Variants in TSPAN5 observed in about 807,000 individuals in gnomAD.
TSPAN5 encodes the protein tetraspanin 5, also known as tetraspanin-5.
In TSPAN5, 10 loss-of-function variants were observed where a neutral mutation model predicts 37.1. The observed-to-expected ratio is 0.27, with a 90% CI of 0.17 to 0.46. TSPAN5 has a LOEUF of 0.46. Ranked by LOEUF, TSPAN5 falls within the 20% of genes least tolerant of loss-of-function variation. TSPAN5 has a pLI of 1.00. For synonymous variants in TSPAN5, 110 were observed against 118.9 expected, an observed-to-expected ratio of 0.93 and a Z score of 0.48; for missense variants, 195 against 326.6, an observed-to-expected ratio of 0.60 and a Z score of 3.11.
chr4:98,611,227 AGAACCTGT>A (rs1303668198), intron 1 of TSPAN5, among the ~76,000 whole-genome samples: 1 of 152,244 alleles, frequency 6.6e-6, no homozygotes, highest in African/African-American at 2.4e-5. Flanking sequence ...AAGGAATATG[AGAACCTGT>A]TTTCCAACCC....
At chr4:98,617,190 T>C (rs554793829) in intron 1 of TSPAN5, among the ~76,000 whole-genome samples, 10 of 152,090 alleles carry the variant, frequency 6.6e-5, no homozygotes, top group Non-Finnish European at 1.3e-4. Context: ...GGACTCACTA[T>C]TCAAAAAAAG....
chr4:98,641,981 A>G (rs754532130), intron 1 of TSPAN5, among the ~76,000 whole-genome samples: 5 of 152,204 alleles, frequency 3.3e-5, no homozygotes, highest in Non-Finnish European at 5.9e-5. Flanking sequence ...AAAAACTAGG[A>G]CCCAAATTAT....
chr4:98,618,038 A>C (rs1054560854), intron 1 of TSPAN5, among the ~76,000 whole-genome samples: 1 of 152,268 alleles, frequency 6.6e-6, no homozygotes, highest in East Asian at 1.9e-4. Context: ...CTTGTACACA[A>C]CCTTGGAGAG....
chr4:98,595,402 A>AT (rs1435865309), intron 1 of TSPAN5, among the ~76,000 whole-genome samples: 12 of 114,094 alleles, frequency 1.1e-4, no homozygotes, highest in Non-Finnish European at 8.6e-5. Context: ...GGATTCATTG[A>AT]TTTTTTGAAG....
intron 7 of TSPAN5, among the ~76,000 whole-genome samples, chr4:98,474,289 C>T (rs1285066260): frequency 6.6e-6 from 1 of 152,198 alleles, no homozygotes; most frequent in Non-Finnish European, 1.5e-5. Context: ...GAAATGACTG[C>T]TCTTTCCCTA....
rs998909483 is a variant in TSPAN5 at position 98,525,032 on chromosome 4, A to G, written c.82-17304T>C. On this transcript the variant is annotated intron_variant, in intron 1 of 7. Transcript: ENST00000305798. ...GTAGCTGCACAGTCACTTCTCTGGT[A>G]TCTATTACTATTTCAGTCAAGCTTC... 2.0e-5 allele frequency among the ~76,000 whole-genome samples: 3 copies of G among 152,216 alleles called. No homozygotes were observed. In the East Asian group the frequency reaches 5.8e-4, roughly 29 times the overall value.
At chr4:98,587,443 G>C (rs148380437) in intron 1 of TSPAN5, among the ~76,000 whole-genome samples, 2 of 152,060 alleles carry the variant, frequency 1.3e-5, no homozygotes, top group African/African-American at 4.8e-5. Flanking sequence ...CTTCTTCCTC[G>C]GCTGTCTGGC....
At chr4:98,528,669 CAG>C (rs1754015156) in intron 1 of TSPAN5, among the ~76,000 whole-genome samples, 1 of 152,188 alleles carries the variant, frequency 6.6e-6, no homozygotes, top group African/African-American at 2.4e-5. Context: ...CTAACTTGAA[CAG>C]AGTTAGTATC....
intron 2 of TSPAN5, among the ~76,000 whole-genome samples, chr4:98,505,566 G>T (rs924118396): frequency 6.6e-6 from 1 of 152,194 alleles, no homozygotes; most frequent in Non-Finnish European, 1.5e-5. Context: ...TCATCTAAAA[G>T]AGACTCCTTT....
intron 1 of TSPAN5, among the ~76,000 whole-genome samples, chr4:98,600,406 C>T (rs1255480590): frequency 3.3e-5 from 5 of 152,150 alleles, no homozygotes; most frequent in South Asian, 2.1e-4. Context: ...CACAGTAGAA[C>T]GTCTTTTGAA....
intron 1 of TSPAN5, among the ~76,000 whole-genome samples, chr4:98,640,732 C>T (rs1756947221): frequency 6.6e-6 from 1 of 152,186 alleles, no homozygotes; most frequent in African/African-American, 2.4e-5. Flanking sequence ...GTGACAAGTT[C>T]TATTATACAG....
intron 2 of TSPAN5, among the ~76,000 whole-genome samples, chr4:98,495,602 C>T (rs1187504531): frequency 2.0e-5 from 3 of 151,672 alleles, no homozygotes; most frequent in Admixed American, 6.6e-5. Context: ...ATTCATTCAG[C>T]TGTCTCTGGA....
At chr4:98,497,440 C>T (rs181512955) in intron 2 of TSPAN5, among the ~76,000 whole-genome samples, 5 of 152,224 alleles carry the variant, frequency 3.3e-5, no homozygotes, top group Non-Finnish European at 7.4e-5. Flanking sequence ...GAATCTGTCA[C>T]CACCTTGATC....
chr4:98,571,872 T>C (rs948565829), intron 1 of TSPAN5, among the ~76,000 whole-genome samples: 6 of 152,172 alleles, frequency 3.9e-5, no homozygotes, highest in African/African-American at 1.4e-4. Context: ...GATATAACAG[T>C]GAACCTCCAA....
At chr4:98,656,081 C>G (rs1757289025) in intron 1 of TSPAN5, among the ~76,000 whole-genome samples, 1 of 152,120 alleles carries the variant, frequency 6.6e-6, no homozygotes, top group Non-Finnish European at 1.5e-5. Flanking sequence ...ACTCACCCAC[C>G]CACCTATGAA....
At chr4:98,520,839 A>T (rs1404266602) in intron 1 of TSPAN5, among the ~76,000 whole-genome samples, 3 of 151,894 alleles carry the variant, frequency 2.0e-5, no homozygotes, top group Non-Finnish European at 4.4e-5. Context: ...TTTAGAAGGC[A>T]GCACAGATTA....
chr4:98,650,098 C>T (rs1179876816), intron 1 of TSPAN5, among the ~76,000 whole-genome samples: 1 of 152,110 alleles, frequency 6.6e-6, no homozygotes, highest in Non-Finnish European at 1.5e-5. Flanking sequence ...CATGGAGGAA[C>T]TAGGAGCTTT....
intron 1 of TSPAN5, among the ~76,000 whole-genome samples, chr4:98,640,956 C>T (rs797001511): frequency 2.6e-4 from 39 of 152,282 alleles, no homozygotes; most frequent in African/African-American, 8.9e-4. Context: ...ATATTACCCA[C>T]TTTTTGCCCA....
intron 1 of TSPAN5, chr4:98,657,778 A>G: frequency 3.4e-6 from 1 of 291,730 alleles, no homozygotes; most frequent in Non-Finnish European, 6.5e-6. Flanking sequence ...CCCTATTATG[A>G]CACCACGCTC....
Sources: allele counts gnomAD v4.1 joint callset (sites outside exome capture counted in the v4.1 genomes callset), GRCh38; gene constraint gnomAD v4.1.1; transcripts MANE v1.5; gene names NCBI Gene and HGNC (gene_info 2026-07-23, HGNC 2026-07-21).